The following MED13 variants were observed in gnomAD, a reference collection of about 807,000 sequenced individuals.
The protein encoded by MED13 is mediator complex subunit 13.
Under a neutral mutation model 225.2 loss-of-function variants are expected in MED13, and 23 were observed. The ratio of observed to expected loss-of-function variants is 0.10; its 90% CI spans 0.07 to 0.14. The LOEUF (loss-of-function observed/expected upper bound fraction) is 0.14. Ranked by LOEUF, MED13 falls within the 10% of genes least tolerant of loss-of-function variation. The pLI is 1.00. For synonymous variants in MED13, 942 were observed against 889.2 expected, an observed-to-expected ratio of 1.06 and a Z score of -1.06; for missense variants, 2,197 against 2,594.5, an observed-to-expected ratio of 0.85 and a Z score of 3.33.
intron 28 of MED13, 65 bp downstream of exon 28, chr17:61,950,759 CT>C: frequency 6.7e-7 from 1 of 1,492,272 alleles, no homozygotes; most frequent in Non-Finnish European, 9.1e-7. Flanking sequence ...AAAGCCACTT[CT>C]ATATTTCTCA....
At chr17:62,060,419 G>A (rs563338572) in intron 2 of MED13, among the ~76,000 whole-genome samples, 4 of 152,104 alleles carry the variant, frequency 2.6e-5, no homozygotes, top group South Asian at 2.1e-4. Context: ...TCAGGAGATC[G>A]AGACCATCCT....
chr17:61,962,374 A>G (rs1312462209), intron 21 of MED13, among the ~76,000 whole-genome samples: 1 of 152,172 alleles, frequency 6.6e-6, no homozygotes, highest in African/African-American at 2.4e-5. Context: ...AAGTCTATAA[A>G]ATAAATTCAA....
intron 11 of MED13, among the ~76,000 whole-genome samples, chr17:61,990,153 A>T (rs2080282995): frequency 6.6e-6 from 1 of 152,224 alleles, no homozygotes; most frequent in African/African-American, 2.4e-5. Flanking sequence ...GCTGTACATC[A>T]TAGTGAATAA....
rs377009813 is a variant in MED13 at position 62,029,649 on chromosome 17, C to T, written c.1175G>A (p.Arg392Lys). ...ACCACCTGATGAAGCAGAATACTTC[C>T]TCCTAAGATTTAAAGTTACAAAATT... ...ECNMNRAQNK[R>K]KYSASSGGLC... is the part of the protein sequence containing the mutation. The change falls in exon 8 of 30, where the codon AGG becomes AAG. Residue 392 changes from arginine to lysine, a missense_variant and splice_region_variant. Physicochemically the swap from Arg to Lys is conservative, Grantham distance 26. Coordinates refer to ENST00000397786, the MANE Select transcript of MED13 (RefSeq NM_005121.3). The T allele has an allele frequency of 3.7e-6, 6 of 1,609,250 alleles. No homozygotes were observed. Among genetic ancestry groups the T allele is most frequent in the Non-Finnish European group, 5.1e-6 (6 of 1,177,368 alleles).
chr17:62,060,893 T>C (rs1402615384), intron 2 of MED13, among the ~76,000 whole-genome samples: 1 of 151,672 alleles, frequency 6.6e-6, no homozygotes, highest in East Asian at 2.0e-4. Flanking sequence ...AGAGATGGGG[T>C]TTCACCATGT....
chr17:62,012,878 C>T (rs774238044), intron 8 of MED13, among the ~76,000 whole-genome samples: 2 of 151,768 alleles, frequency 1.3e-5, no homozygotes, highest in Non-Finnish European at 2.9e-5. Flanking sequence ...CGGCAACCTC[C>T]GCCTCCCAGG....
intron 26 of MED13, among the ~76,000 whole-genome samples, chr17:61,953,830 T>A (rs2079917084): frequency 6.6e-6 from 1 of 152,144 alleles, no homozygotes; most frequent in South Asian, 2.1e-4. Context: ...ACTACAGTAT[T>A]CCCCCTTATC....
intron 23 of MED13, among the ~76,000 whole-genome samples, chr17:61,960,287 A>G (rs1311009772): frequency 6.7e-6 from 1 of 149,654 alleles, no homozygotes; most frequent in Non-Finnish European, 1.5e-5. Flanking sequence ...TTTTTTTTTG[A>G]GACAGAGTCT....
At chr17:61,966,909 A>G (rs2080064049) in intron 18 of MED13, among the ~76,000 whole-genome samples, 1 of 152,192 alleles carries the variant, frequency 6.6e-6, no homozygotes, top group Non-Finnish European at 1.5e-5. Context: ...TCTCTAATGA[A>G]AAAACACCTA....
intron 2 of MED13, among the ~76,000 whole-genome samples, chr17:62,054,015 A>G (rs933179627): frequency 2.6e-5 from 4 of 152,218 alleles, no homozygotes; most frequent in African/African-American, 4.8e-5. Flanking sequence ...TTTATTTTAA[A>G]TAAGCTTTAG....
At chr17:62,015,950 ATATATTTT>A (rs2080572708) in intron 8 of MED13, among the ~76,000 whole-genome samples, 2 of 13,776 alleles carry the variant, frequency 1.5e-4, no homozygotes, top group Non-Finnish European at 2.5e-4. Flanking sequence ...ATATATATAT[ATATATTTT>A]TTTTTTTTTT....
chr17:62,015,165 A>G (rs2080550764), intron 8 of MED13, among the ~76,000 whole-genome samples: 1 of 152,210 alleles, frequency 6.6e-6, no homozygotes, highest in African/African-American at 2.4e-5. Context: ...TATCTACAAA[A>G]AGACATTTCT....
intron 2 of MED13, among the ~76,000 whole-genome samples, chr17:62,061,247 A>AG (rs2081036720): frequency 6.6e-6 from 1 of 152,112 alleles, no homozygotes; most frequent in Non-Finnish European, 1.5e-5. Flanking sequence ...GGCCAGGTGC[A>AG]GGGGCTCACA....
At chr17:61,998,542 A>T (rs2080365011) in intron 9 of MED13, among the ~76,000 whole-genome samples, 1 of 151,914 alleles carries the variant, frequency 6.6e-6, no homozygotes, top group Non-Finnish European at 1.5e-5. Context: ...GATAAGCTAC[A>T]GACGGAAAGT....
intron 8 of MED13, among the ~76,000 whole-genome samples, chr17:62,019,629 A>G (rs1161920747): frequency 2.0e-5 from 3 of 152,230 alleles, no homozygotes; most frequent in Non-Finnish European, 4.4e-5. Context: ...CTGGGGCTAC[A>G]TACTAATAGC....
chr17:62,022,652 T>C (rs1227432931), intron 8 of MED13, among the ~76,000 whole-genome samples: 2 of 151,870 alleles, frequency 1.3e-5, no homozygotes, highest in Non-Finnish European at 2.9e-5. Context: ...TATAAGTAAC[T>C]AATATGGAAA....
At chr17:61,988,564 C>G (rs1310622227) in intron 11 of MED13, among the ~76,000 whole-genome samples, 3 of 151,980 alleles carry the variant, frequency 2.0e-5, no homozygotes, top group African/African-American at 7.2e-5. Context: ...TACTAAAAAC[C>G]AAGATTTTGA....
chr17:61,965,085 T>C lies in MED13; in HGVS notation c.4765A>G (p.Thr1589Ala), dbSNP rs770399842. ...VQSGQLGGQQ[T>A]SALQTAGISG... ...ATCCCAGCTGTCTGTAGAGCTGATG[T>C]CTGTTGCCCTCCTAGCTGACCACTC... Residue 1589 changes from threonine (T) to alanine (A), a missense_variant, in exon 20 of 30, where the codon ACA (threonine) becomes GCA (alanine). Thr to Ala is a moderately conservative substitution (Grantham distance 58). Around this residue, in one of 12 missense-constraint regions of MED13, gnomAD observed 457 missense variants for 442.2 expected, o/e 1.03. Transcript: ENST00000397786. 4.7e-5 allele frequency: 76 copies of C among 1,614,062 alleles called. No individual in the cohort carries two copies. Among genetic ancestry groups the C allele is most frequent in the Non-Finnish European group, 6.1e-5 (72 of 1,180,028 alleles).
At chr17:62,036,367 G>A (rs2080803649) in intron 3 of MED13, among the ~76,000 whole-genome samples, 1 of 152,062 alleles carries the variant, frequency 6.6e-6, no homozygotes, top group South Asian at 2.1e-4. Flanking sequence ...ATGAAATTCA[G>A]GTATGGCTGG....
Sources: allele counts gnomAD v4.1 joint callset (sites outside exome capture counted in the v4.1 genomes callset), GRCh38; gene constraint gnomAD v4.1.1; regional missense constraint gnomAD v4.1.1; transcripts MANE v1.5; gene names NCBI Gene and HGNC (gene_info 2026-07-23, HGNC 2026-07-21).